The following KMT2E variants were observed in gnomAD, a reference collection of about 807,000 sequenced individuals.
KMT2E encodes the protein lysine methyltransferase 2E (inactive).
KMT2E carries 30 observed loss-of-function variants against 184.6 expected under a neutral mutation model. The ratio of observed to expected loss-of-function variants is 0.16; its 90% confidence interval spans 0.12 to 0.22. The LOEUF (loss-of-function observed/expected upper bound fraction) is 0.22. KMT2E is among the 10% of genes least tolerant of loss of function. The pLI, the probability that KMT2E is intolerant of heterozygous loss-of-function variation, is 1.00. For missense variants in KMT2E, 2,023 were observed against 2,237.4 expected (o/e 0.90, Z 1.93); for synonymous variants, 815 against 776.5 (o/e 1.05, Z -0.82).
chr7:105,068,461 T>C (rs1351320933), intron 6 of KMT2E, among the ~76,000 whole-genome samples: 2 of 146,882 alleles, frequency 1.4e-5, no homozygotes, highest in Non-Finnish European at 3.0e-5. Flanking sequence ...AAACTTCTCT[T>C]TTTTTTTTTT....
Position 105,113,282 on chromosome 7 carries a change from A to C in KMT2E, c.5526A>C (p.Ala1842=). 6.2e-7 allele frequency: 1 copy of C among 1,613,860 alleles called. No homozygotes were observed. Among genetic ancestry groups the C allele is most frequent in the Non-Finnish European group, 8.5e-7 (1 of 1,179,744 alleles). Residue 1842 remains alanine (A), a synonymous_variant, in exon 27 of 27, where the codon GCA becomes GCC. Coordinates refer to ENST00000311117, the MANE Select transcript of KMT2E (RefSeq NM_182931.3). ...CTGGACAGATTCCAATTCACAGAGCACAGGTGCCACCAACATTTCAAAACA... is the reference window on the plus strand; with the variant it reads ...CTGGACAGATTCCAATTCACAGAGCCCAGGTGCCACCAACATTTCAAAACA... ...PVPGQIPIHR[A]QVPPTFQNNY...
chr7:105,089,822 T>G (rs1798128317), intron 13 of KMT2E, among the ~76,000 whole-genome samples, 187 bp from the exon 14 acceptor site: 1 of 152,100 alleles, frequency 6.6e-6, no homozygotes, highest in Non-Finnish European at 1.5e-5. Flanking sequence ...AACATCTAAT[T>G]ATTATATTAT....
chr7:105,041,663 T>C (rs1451596026), intron 3 of KMT2E, among the ~76,000 whole-genome samples: 1 of 152,182 alleles, frequency 6.6e-6, no homozygotes, highest in Non-Finnish European at 1.5e-5. Context: ...ACTCCCAAAG[T>C]GTTGGGATTA....
intron 3 of KMT2E, among the ~76,000 whole-genome samples, chr7:105,051,813 G>C (rs965629531): frequency 6.6e-6 from 1 of 151,548 alleles, no homozygotes. Context: ...GGATTTCATC[G>C]TGTTGGCCAG....
chr7:105,052,848 G>C (rs1796404840), intron 3 of KMT2E, among the ~76,000 whole-genome samples: 1 of 152,050 alleles, frequency 6.6e-6, no homozygotes, highest in Non-Finnish European at 1.5e-5. Context: ...CCAAAGTGCT[G>C]AGATTACAGG....
At position 105,090,088 on chromosome 7, in the gene KMT2E, A is replaced by G. The variant is rs773611340; in HGVS notation, c.1438A>G (p.Asn480Asp). The G allele has an allele frequency of 1.2e-6, 2 of 1,613,770 alleles. No individual in the cohort carries two copies. The highest frequency in any genetic ancestry group is 1.7e-6 in the Non-Finnish European group (2 of 1,179,940). ...VLKRSSESMENINSGYETRRK... is the reference protein window; with the variant it reads ...VLKRSSESMEDINSGYETRRK... Reference sequence around the variant, plus strand: ...AAAACGTAGTTCTGAATCCATGGAAAATATCAATAGTGGTTATGAGACCAG... The same window carrying G: ...AAAACGTAGTTCTGAATCCATGGAAGATATCAATAGTGGTTATGAGACCAG... The change falls in exon 14 of 27, where the codon AAT becomes GAT. Residue 480 changes from asparagine to aspartate, a missense_variant. Around this residue, in one of 8 missense-constraint regions of KMT2E, gnomAD observed 514 missense variants for 621.8 expected, o/e 0.83. Transcript: ENST00000311117.
rs753691080 is a variant in KMT2E at position 105,107,622 on chromosome 7, G to A, written c.3165G>A (p.Ser1055=). 2.0e-5 allele frequency: 33 copies of A among 1,613,984 alleles called. No homozygotes were observed. The South Asian group carries it at 2.1e-4, about 10-fold the overall frequency. ...CTGAGCCCAACAGCCAACTGGACTC[G>A]ACTCACTCTGGACGGGGCACAATGT... ...DRAEPNSQLD[S]THSGRGTMYS... The change falls in exon 22 of 27, where the codon TCG becomes TCA. Residue 1055 remains serine, a synonymous_variant. Coordinates refer to ENST00000311117, the MANE Select transcript of KMT2E (RefSeq NM_182931.3).
chr7:105,048,580 CG>C (rs371776119), intron 3 of KMT2E, among the ~76,000 whole-genome samples: 51 of 151,964 alleles, frequency 3.4e-4, no homozygotes, highest in African/African-American at 1.2e-3. Flanking sequence ...TAAAAAAATA[CG>C]TGTGTGTTAT....
intron 19 of KMT2E, 91 bp downstream of exon 19, chr7:105,106,094 C>A: frequency 3.9e-6 from 5 of 1,272,500 alleles, no homozygotes; most frequent in Non-Finnish European, 4.4e-6. Context: ...TACTGGTATG[C>A]ACTTTAGAAG....
At chr7:105,086,605 A>C (rs752358840) in intron 13 of KMT2E, among the ~76,000 whole-genome samples, 17 of 151,668 alleles carry the variant, frequency 1.1e-4, no homozygotes, top group Non-Finnish European at 2.1e-4. Flanking sequence ...CACATCTGTA[A>C]TCCCAGCTAC....
intron 3 of KMT2E, among the ~76,000 whole-genome samples, chr7:105,045,764 G>C (rs1584721549): frequency 6.6e-6 from 1 of 152,118 alleles, no homozygotes; most frequent in Non-Finnish European, 1.5e-5. Flanking sequence ...TTGGTATACA[G>C]GTATCTGTTT....
chr7:105,036,246 C>T (rs1353390024), intron 1 of KMT2E, among the ~76,000 whole-genome samples: 1 of 148,506 alleles, frequency 6.7e-6, no homozygotes, highest in Non-Finnish European at 1.5e-5. Context: ...AATCTTGGCT[C>T]ACTGCAACCT....
chr7:105,063,599 T>A lies in KMT2E; in HGVS notation c.416+19T>A. 6.8e-7 allele frequency: 1 copy of A among 1,460,714 alleles called. No homozygotes were observed. The highest frequency in any genetic ancestry group is 9.4e-7 in the Non-Finnish European group (1 of 1,068,834). The allele number at this position is 1,460,714 out of a possible 1,614,324, so 90.5% of individuals were successfully genotyped here. A position where few individuals can be genotyped will look rare whatever the true frequency, so the allele number is the denominator to read the frequency against. On this transcript the variant is annotated intron_variant, in intron 5 of 26. Transcript: ENST00000311117. ...AATGCAGGTAAAATATTTTACACCA[T>A]TATTTTATTTTTCTTGAATGCTGAT...
At chr7:105,019,673 G>T (rs1794864846) in intron 1 of KMT2E, among the ~76,000 whole-genome samples, 1 of 152,148 alleles carries the variant, frequency 6.6e-6, no homozygotes, top group African/African-American at 2.4e-5. Context: ...AGGTCAACGT[G>T]ATAAGCAATG....
chr7:105,036,216 AGGCTG>A (rs1554381001), intron 1 of KMT2E, among the ~76,000 whole-genome samples: 3 of 141,376 alleles, frequency 2.1e-5, no homozygotes, highest in Admixed American at 7.4e-5. Context: ...TCTGTCACCC[AGGCTG>A]GAGTGCAGTG....
chr7:105,062,883 G>A (rs1796877725), intron 4 of KMT2E, among the ~76,000 whole-genome samples: 1 of 151,518 alleles, frequency 6.6e-6, no homozygotes, highest in Non-Finnish European at 1.5e-5. Context: ...TTACTACTTG[G>A]ACCAGAATAA....
chr7:105,062,117 G>GA lies in KMT2E; in HGVS notation c.72-38dup, dbSNP rs563963306. 8.8e-4 allele frequency: 1,024 copies of GA among 1,169,472 alleles called. 2 individuals carry two copies. The highest frequency in any genetic ancestry group is 1.6e-3 in the South Asian group (124 of 79,054). 72.4% of individuals were successfully genotyped at this position (1,169,472 alleles called of 1,614,324 possible). ...TCATTTTAATTAAATTGATTAAGAGGAAAAAAAAAGAATGGAATTCTCTTT... is the reference window on the plus strand; with the variant it reads ...TCATTTTAATTAAATTGATTAAGAGGAAAAAAAAAAGAATGGAATTCTCTTT... On this transcript the variant is annotated intron_variant, in intron 3 of 26. Coordinates refer to ENST00000311117, the MANE Select transcript of KMT2E (RefSeq NM_182931.3).
At position 105,108,969 on chromosome 7, in the gene KMT2E, C is replaced by T; in HGVS notation, c.3496C>T (p.Gln1166Ter). Residue 1166 changes from glutamine to a stop codon, truncating the protein, a stop_gained, in exon 23 of 27, where the codon CAA (glutamine) becomes TAA (stop). Transcript: ENST00000311117. LOFTEE classifies it high-confidence loss of function. ...TTCTCTATTAGAATACCGTAAGAGACAACGTGAAGCTAGGAAAAGTGGCTC... is the reference window on the plus strand; with the variant it reads ...TTCTCTATTAGAATACCGTAAGAGATAACGTGAAGCTAGGAAAAGTGGCTC... ...KVSLLEYRKRQREARKSGSKT... is the reference protein window; with the variant it reads ...KVSLLEYRKR 6.2e-7 allele frequency: 1 copy of T among 1,612,550 alleles called. No homozygotes were observed. The highest frequency in any genetic ancestry group is 8.5e-7 in the Non-Finnish European group (1 of 1,178,696).
chr7:105,073,120 T>C (rs1225380220), intron 6 of KMT2E, among the ~76,000 whole-genome samples: 1 of 151,858 alleles, frequency 6.6e-6, no homozygotes, highest in Non-Finnish European at 1.5e-5. Context: ...AAGTAAATTA[T>C]TTTCTTGGCC....
Sources: gnomAD v4.1 joint callset for allele counts (sites outside exome capture counted in the v4.1 genomes callset) on GRCh38, gnomAD v4.1.1 for gene constraint, gnomAD v4.1.1 regional missense constraint, MANE v1.5 for transcripts, NCBI Gene and HGNC (gene_info 2026-07-23, HGNC 2026-07-21) for gene names.